The following DCT variants were observed in gnomAD, a reference collection of about 807,000 sequenced individuals.
The protein encoded by DCT is dopachrome tautomerase, also known as L-dopachrome tautomerase.
A neutral mutation model predicts 53.0 loss-of-function variants in DCT; 47 were observed. The observed-to-expected ratio is 0.89, with a 90% CI of 0.70 to 1.13. The LOEUF is 1.13. DCT is among the 50% of genes most tolerant of loss of function. DCT has a pLI of 0.00. For missense variants in DCT, 669 were observed against 637.4 expected, an observed-to-expected ratio of 1.05 and a Z score of -0.53; for synonymous variants, 244 against 237.0, an observed-to-expected ratio of 1.03 and a Z score of -0.27.
intron 2 of DCT, 67 bp downstream of exon 2, chr13:94,468,679 C>A: frequency 7.3e-7 from 1 of 1,375,818 alleles, no homozygotes; most frequent in Non-Finnish European, 1.0e-6. Flanking sequence ...AATTACTTCC[C>A]ACTGCCATAC....
At chr13:94,525,835 A>T in the DCT span, among the ~76,000 whole-genome samples, 6 of 152,118 alleles carry the variant, frequency 3.9e-5, no homozygotes, top group Non-Finnish European at 8.8e-5. Context: ...TCTACAAAAC[A>T]TAAAAAATTA....
chr13:94,498,006 C>T, the DCT span, among the ~76,000 whole-genome samples: 1 of 152,176 alleles, frequency 6.6e-6, no homozygotes, highest in African/African-American at 2.4e-5. Flanking sequence ...GAACAAGCTA[C>T]CTTTTGGAGG....
At chr13:94,545,920 G>T in the DCT span, among the ~76,000 whole-genome samples, 1 of 151,880 alleles carries the variant, frequency 6.6e-6, no homozygotes, top group South Asian at 2.1e-4. Context: ...TAATGACACA[G>T]ATTTTCTCCT....
In DCT at chr13:94,443,564, G is replaced by C. The variant is rs758339113; in HGVS notation, c.1253C>G (p.Pro418Arg). Residue 418 changes from proline (P) to arginine (R), a missense_variant, in exon 7 of 8, where the codon CCT (proline) becomes CGT (arginine). By Grantham distance (103) the Pro-to-Arg change is moderately radical. Transcript: ENST00000377028. ...KRFNPPADAW[P>R]QELAPIGHNR... ...GTGACCAATAGGGGCCAGCTCCTGAGGCCAGGCATCTGCAGGAGGATTAAA... is the reference window on the plus strand; with the variant it reads ...GTGACCAATAGGGGCCAGCTCCTGACGCCAGGCATCTGCAGGAGGATTAAA... 6.2e-6 allele frequency: 10 copies of C among 1,613,940 alleles called. No homozygotes were observed. The Middle Eastern group carries it at 4.9e-4, about 80-fold the overall frequency.
At chr13:94,459,093 G>C (rs113305772) in intron 6 of DCT, among the ~76,000 whole-genome samples, 1 of 151,906 alleles carries the variant, frequency 6.6e-6, no homozygotes, top group Non-Finnish European at 1.5e-5. Flanking sequence ...TGCCCAGGCT[G>C]GTCTTGAACT....
At chr13:94,472,254 C>A (rs1325420660) in intron 1 of DCT, among the ~76,000 whole-genome samples, 1 of 151,656 alleles carries the variant, frequency 6.6e-6, no homozygotes, top group African/African-American at 2.4e-5. Flanking sequence ...TATTGAACAG[C>A]TACTATCTAA....
chr13:94,482,640 G>T (rs1885495883), upstream of DCT, among the ~76,000 whole-genome samples: 1 of 152,126 alleles, frequency 6.6e-6, no homozygotes, highest in Non-Finnish European at 1.5e-5. Context: ...AACAGTATTT[G>T]GCAAATAGAG....
upstream of DCT, among the ~76,000 whole-genome samples, chr13:94,484,665 T>C (rs974515589): frequency 6.6e-6 from 1 of 152,190 alleles, no homozygotes; most frequent in South Asian, 2.1e-4. Context: ...TGCTGCCCCA[T>C]GCCATGGTCT....
chr13:94,473,807 G>A (rs1200909534), intron 1 of DCT, among the ~76,000 whole-genome samples: 1 of 152,158 alleles, frequency 6.6e-6, no homozygotes, highest in East Asian at 1.9e-4. Context: ...CTGTTTTGGA[G>A]CCCATTTATG....
intron 1 of DCT, 68 bp from the exon 2 acceptor site, chr13:94,469,113 G>T: frequency 7.4e-7 from 1 of 1,343,202 alleles, no homozygotes; most frequent in Non-Finnish European, 1.1e-6. Context: ...TTCTGAATTT[G>T]TACTCTGAAA....
At chr13:94,513,515 A>C in the DCT span, among the ~76,000 whole-genome samples, 1 of 152,204 alleles carries the variant, frequency 6.6e-6, no homozygotes, top group African/African-American at 2.4e-5. Context: ...ACAATATATG[A>C]AACAATGGGC....
chr13:94,483,150 T>C (rs1885517675), upstream of DCT, among the ~76,000 whole-genome samples: 1 of 151,028 alleles, frequency 6.6e-6, no homozygotes, highest in Non-Finnish European at 1.5e-5. Flanking sequence ...GACATGCACC[T>C]GTAGTCCCAT....
the DCT span, among the ~76,000 whole-genome samples, chr13:94,525,638 A>G: frequency 6.6e-6 from 1 of 152,156 alleles, no homozygotes; most frequent in Non-Finnish European, 1.5e-5. Context: ...TGTCATATTA[A>G]ACGCAACTCT....
At chr13:94,446,430 G>C (rs1474555980) in intron 6 of DCT, among the ~76,000 whole-genome samples, 1 of 152,154 alleles carries the variant, frequency 6.6e-6, no homozygotes, top group African/African-American at 2.4e-5. Flanking sequence ...TAGCCAATGA[G>C]GAGCTGGGCA....
the DCT span, among the ~76,000 whole-genome samples, chr13:94,534,872 C>T: frequency 0.022 from 3,362 of 152,244 alleles, 119 homozygotes; most frequent in African/African-American, 0.075. Context: ...TGCTATTAGC[C>T]GTAACATCCA....
chr13:94,511,134 C>T, the DCT span, among the ~76,000 whole-genome samples: 1 of 152,114 alleles, frequency 6.6e-6, no homozygotes, highest in Non-Finnish European at 1.5e-5. Context: ...AGGATAAAAC[C>T]CAAAGTCCTA....
In DCT at chr13:94,438,798, G is replaced by A; in HGVS notation, c.*1100C>T. On this transcript the variant is annotated 3_prime_UTR_variant, in exon 8 of 8. Transcript: ENST00000377028. ...CTGAATTGTCATGTTTTGTACAGAT[G>A]GTTTGCTTTCAAATGATAAGACTTA... 2.9e-6 allele frequency: 1 copy of A among 346,810 alleles called. No individual in the cohort carries two copies. Among genetic ancestry groups the A allele is most frequent in the South Asian group, 2.3e-5 (1 of 44,058 alleles). The allele number at this position is 346,810 out of a possible 1,614,324, so 21.5% of individuals were successfully genotyped here.
At chr13:94,466,000 ATATATATATATATAT>A (rs1365873427) in intron 3 of DCT, among the ~76,000 whole-genome samples, 2 of 64,776 alleles carry the variant, frequency 3.1e-5, no homozygotes, top group Non-Finnish European at 6.9e-5. Flanking sequence ...ATATATATAT[ATATATATATATATAT>A]ATATATATAC....
chr13:94,499,021 G>T, the DCT span, among the ~76,000 whole-genome samples: 260 of 152,230 alleles, frequency 1.7e-3, no homozygotes, highest in Non-Finnish European at 2.6e-3. Flanking sequence ...GCCAAATAAG[G>T]GAATAAAAGC....
Sources: allele counts gnomAD v4.1 joint callset (sites outside exome capture counted in the v4.1 genomes callset), GRCh38; gene constraint gnomAD v4.1.1; transcripts MANE v1.5; gene names NCBI Gene and HGNC (gene_info 2026-07-23, HGNC 2026-07-21).